STPG2: variants seen among roughly 807,000 people sequenced by gnomAD.
The protein encoded by STPG2 is sperm-tail PG-rich repeat-containing protein 2.
STPG2 carries 56 observed loss-of-function variants against 54.2 expected under a neutral mutation model. The observed-to-expected ratio is 1.03, with a 90% confidence interval of 0.83 to 1.29. The LOEUF is 1.29. Ranked by LOEUF, STPG2 falls within the 50% of genes most tolerant of loss-of-function variation. The pLI, the probability that STPG2 is intolerant of heterozygous loss-of-function variation, is 0.00. For missense variants in STPG2, 596 were observed against 544.9 expected, an observed-to-expected ratio of 1.09 and a Z score of -0.93; for synonymous variants, 200 against 181.8, an observed-to-expected ratio of 1.10 and a Z score of -0.81.
chr4:97,676,825 T>G (rs2148974660), intron 10 of STPG2, among the ~76,000 whole-genome samples: 1 of 152,308 alleles, frequency 6.6e-6, no homozygotes, highest in South Asian at 2.1e-4. Context: ...TTAGCTGCAC[T>G]GCCACAAGGT....
intron 8 of STPG2, among the ~76,000 whole-genome samples, chr4:97,896,870 G>C (rs111543201): frequency 1.3e-5 from 2 of 151,480 alleles, no homozygotes; most frequent in Non-Finnish European, 3.0e-5. Context: ...TAGTTGGGAA[G>C]ACTATATAAA....
intron 4 of STPG2, among the ~76,000 whole-genome samples, chr4:97,509,798 A>G (rs1730932815): frequency 6.6e-6 from 1 of 152,136 alleles, no homozygotes; most frequent in African/African-American, 2.4e-5. Context: ...ATTACAGATA[A>G]CATCTCATAA....
chr4:97,569,626 A>T (rs78637207), intron 10 of STPG2, among the ~76,000 whole-genome samples: 1 of 152,162 alleles, frequency 6.6e-6, no homozygotes, highest in Non-Finnish European at 1.5e-5. Context: ...TAACAAGTAA[A>T]GTAGAAGGGA....
intron 8 of STPG2, among the ~76,000 whole-genome samples, chr4:97,902,568 G>C (rs1731219105): frequency 6.6e-6 from 1 of 151,838 alleles, no homozygotes; most frequent in Non-Finnish European, 1.5e-5. Context: ...TAATCATCAG[G>C]GAAATGAAAA....
intron 5 of STPG2, among the ~76,000 whole-genome samples, chr4:98,069,668 A>G (rs1302168897): frequency 6.6e-6 from 1 of 152,092 alleles, no homozygotes; most frequent in Non-Finnish European, 1.5e-5. Context: ...TCTAGACATT[A>G]ACAGTCAACA....
At chr4:98,092,949 C>T (rs1344691987) in intron 5 of STPG2, among the ~76,000 whole-genome samples, 1 of 152,006 alleles carries the variant, frequency 6.6e-6, no homozygotes, top group African/African-American at 2.4e-5. Flanking sequence ...TCGTATCTTG[C>T]CACATAATTT....
At chr4:98,123,785 T>A (rs1739752292) in intron 3 of STPG2, among the ~76,000 whole-genome samples, 1 of 152,172 alleles carries the variant, frequency 6.6e-6, no homozygotes, top group Non-Finnish European at 1.5e-5. Context: ...TAGTGAGATG[T>A]CAAAGTCTCC....
At chr4:97,913,132 A>T (rs1415733751) in intron 8 of STPG2, among the ~76,000 whole-genome samples, 3 of 152,230 alleles carry the variant, frequency 2.0e-5, no homozygotes, top group African/African-American at 7.2e-5. Context: ...GCTTCAAGGA[A>T]AATTCAGAGT....
At chr4:97,753,184 A>C (rs2149046885) in intron 9 of STPG2, among the ~76,000 whole-genome samples, 1 of 151,954 alleles carries the variant, frequency 6.6e-6, no homozygotes, top group East Asian at 1.9e-4. Flanking sequence ...ACTTCCCAAA[A>C]CTTTTTCATT....
intron 4 of STPG2, among the ~76,000 whole-genome samples, chr4:97,465,285 G>A (rs774075224): frequency 2.5e-4 from 38 of 152,080 alleles, no homozygotes; most frequent in Non-Finnish European, 4.4e-4. Context: ...TTTCAAAGTC[G>A]TGGCTGTTAC....
At chr4:97,844,636 C>CT (rs1228522886) in intron 8 of STPG2, among the ~76,000 whole-genome samples, 1 of 151,964 alleles carries the variant, frequency 6.6e-6, no homozygotes, top group African/African-American at 2.4e-5. Flanking sequence ...TATAATGTAT[C>CT]TAAGTGTGAA....
At chr4:97,990,082 G>A (rs1560624996) in intron 5 of STPG2, among the ~76,000 whole-genome samples, 1 of 152,168 alleles carries the variant, frequency 6.6e-6, no homozygotes, top group South Asian at 2.1e-4. Context: ...ACTACTAGAG[G>A]TCATAGGGAA....
chr4:98,025,162 C>G (rs1178868800), intron 5 of STPG2, among the ~76,000 whole-genome samples: 1 of 152,196 alleles, frequency 6.6e-6, no homozygotes, highest in Non-Finnish European at 1.5e-5. Context: ...TTAATTAATA[C>G]AGCTGGCAAG....
intron 4 of STPG2, chr4:97,489,676 T>C (rs900780167): frequency 6.6e-6 from 1 of 151,630 alleles, no homozygotes; most frequent in African/African-American, 2.4e-5. Context: ...TGCTTCTAGA[T>C]GGAAAAAATA....
intron 4 of STPG2, among the ~76,000 whole-genome samples, chr4:97,480,664 AT>A (rs1730197555): frequency 6.6e-6 from 1 of 151,360 alleles, no homozygotes; most frequent in Non-Finnish European, 1.5e-5. Context: ...TTAATTTTGC[AT>A]TTCCCTGTGA....
intron 10 of STPG2, among the ~76,000 whole-genome samples, chr4:97,676,510 T>C (rs1307574451): frequency 7.4e-6 from 1 of 135,368 alleles, no homozygotes; most frequent in Non-Finnish European, 1.5e-5. Context: ...TTTATGCTAA[T>C]ACTACTAAAA....
chr4:97,542,207 T>C (rs1308691515), intron 4 of STPG2, among the ~76,000 whole-genome samples: 1 of 152,204 alleles, frequency 6.6e-6, no homozygotes, highest in Non-Finnish European at 1.5e-5. Flanking sequence ...AGAAAATTTT[T>C]GCAATCTACT....
At chr4:97,538,072 G>GA (rs766298964) in intron 4 of STPG2, among the ~76,000 whole-genome samples, 2 of 152,032 alleles carry the variant, frequency 1.3e-5, no homozygotes, top group Non-Finnish European at 2.9e-5. Flanking sequence ...ACCAAAGGTA[G>GA]AAAAAACCAC....
intron 4 of STPG2, 118 bp downstream of exon 4, chr4:98,109,075 C>A: frequency 1.8e-6 from 1 of 542,258 alleles, no homozygotes; most frequent in Admixed American, 3.7e-5. Context: ...AAATGTAATA[C>A]TTCTTGGAGT....
Sources: allele counts gnomAD v4.1 joint callset (sites outside exome capture counted in the v4.1 genomes callset), GRCh38; gene constraint gnomAD v4.1.1; transcripts MANE v1.5; gene names NCBI Gene and HGNC (gene_info 2026-07-23, HGNC 2026-07-21).